Variants in DHX37 observed in about 807,000 individuals in gnomAD.
DHX37 encodes the protein probable ATP-dependent RNA helicase DHX37.
A neutral mutation model predicts 134.3 loss-of-function variants in DHX37; 52 were observed. The ratio of observed to expected loss-of-function variants is 0.39; its 90% CI spans 0.31 to 0.49. The LOEUF is 0.49. DHX37 is among the 20% of genes least tolerant of loss of function. The pLI, the probability that DHX37 is intolerant of heterozygous loss-of-function variation, is 0.93. For missense variants in DHX37, 1,344 were observed against 1,580.8 expected (o/e 0.85, Z 2.54); for synonymous variants, 634 against 670.7 (o/e 0.95, Z 0.85).
At chr12:124,981,322 C>CAG (rs1954754794) in intron 3 of DHX37, among the ~76,000 whole-genome samples, 1 of 151,886 alleles carries the variant, frequency 6.6e-6, no homozygotes, top group South Asian at 2.1e-4. Context: ...TGTAAATGAG[C>CAG]AGCACAGGCT....
chr12:124,985,952 C>A (rs879134301), intron 2 of DHX37, 144 bp downstream of exon 2: 27 of 927,068 alleles, frequency 2.9e-5, no homozygotes, highest in South Asian at 1.8e-5. Flanking sequence ...TTAGTGGCTA[C>A]CGCACTGGAC....
rs1192405740 is a variant in DHX37, at chr12:124,957,094, G to A, written c.2199C>T (p.Ala733=). ...FPFPTPPSVE[A]LLAAEELLIA... is the part of the protein sequence containing the mutation. ...TCAACAGCTCCTCGGCGGCAAGAAGGGCTTCCACGGAGGGGGGCGTCGGGA... is the reference window on the plus strand; with the variant it reads ...TCAACAGCTCCTCGGCGGCAAGAAGAGCTTCCACGGAGGGGGGCGTCGGGA... Residue 733 remains alanine, a synonymous_variant, in exon 17 of 27, where the codon GCC becomes GCT. Coordinates refer to ENST00000308736, the MANE Select transcript of DHX37 (RefSeq NM_032656.4). The A allele has an allele frequency of 1.3e-6, 2 of 1,496,632 alleles. No individual in the cohort carries two copies. Among genetic ancestry groups the A allele is most frequent in the Non-Finnish European group, 8.9e-7 (1 of 1,126,984 alleles). 92.7% of individuals were successfully genotyped at this position (1,496,632 alleles called of 1,614,324 possible). A position where few individuals can be genotyped will look rare whatever the true frequency, so the allele number is the denominator to read the frequency against.
At chr12:124,952,707 A>C (rs1953999755) in intron 20 of DHX37, 137 bp from the exon 21 acceptor site, 1 of 832,152 alleles carries the variant, frequency 1.2e-6, no homozygotes, top group Non-Finnish European at 1.6e-6. Context: ...CCCAGAGGCC[A>C]CCAGCAGGAC....
In DHX37 at chr12:124,973,638, CTTTTTT is replaced by C. The variant is rs71092252; in HGVS notation, c.981-1045_981-1040del. 4.9e-5 allele frequency among the ~76,000 whole-genome samples: 5 copies of C among 102,874 alleles called. 1 individual carries two copies. Among genetic ancestry groups the C allele is most frequent in the South Asian group, 7.0e-4 (2 of 2,850 alleles). 67.5% of individuals were successfully genotyped at this position (102,874 alleles called of 152,430 possible). On this transcript the variant is annotated intron_variant, in intron 6 of 26. Coordinates refer to ENST00000308736, the MANE Select transcript of DHX37 (RefSeq NM_032656.4). ...TTATGTATATGCGCCCCCCCCAACGCTTTTTTTTTTTTTTTTTTTTGAGATGGAGTC... is the reference window on the plus strand; with the variant it reads ...TTATGTATATGCGCCCCCCCCAACGCTTTTTTTTTTTTTTGAGATGGAGTC...
chr12:124,976,317 T>C (rs993055705), intron 5 of DHX37, among the ~76,000 whole-genome samples: 1 of 152,222 alleles, frequency 6.6e-6, no homozygotes, highest in African/African-American at 2.4e-5. Context: ...GATAACATGC[T>C]GAGTCCTGGG....
chr12:124,988,303 ACT>A (rs1324588524), intron 1 of DHX37, among the ~76,000 whole-genome samples: 1 of 151,676 alleles, frequency 6.6e-6, no homozygotes, highest in East Asian at 1.9e-4. Context: ...TCAGATCTTG[ACT>A]CTAACAGAGT....
At position 124,948,149 on chromosome 12, in the gene DHX37, G is replaced by C; in HGVS notation, c.3323C>G (p.Ala1108Gly). The C allele has an allele frequency of 6.2e-7, 1 of 1,614,204 alleles. No individual in the cohort carries two copies. The highest frequency in any genetic ancestry group is 1.1e-5 in the South Asian group (1 of 91,084). ...LQPRTESLLR[A>G]LVAEKADCHE... Reference sequence around the variant, plus strand: ...GCAGTCAGCCTTCTCTGCAACCAGGGCTCGCAGAAGGCTCTCCGTACGGGG... The same window carrying C: ...GCAGTCAGCCTTCTCTGCAACCAGGCCTCGCAGAAGGCTCTCCGTACGGGG... The change falls in exon 26 of 27, where the codon GCC becomes GGC. Residue 1108 changes from alanine (A) to glycine (G), a missense_variant. Physicochemically the swap from Ala to Gly is moderately conservative, Grantham distance 60. Coordinates refer to ENST00000308736, the MANE Select transcript of DHX37 (RefSeq NM_032656.4).
chr12:124,984,889 G>A (rs755291270), intron 2 of DHX37, among the ~76,000 whole-genome samples: 5 of 152,168 alleles, frequency 3.3e-5, no homozygotes, highest in African/African-American at 7.2e-5. Context: ...ATGTAATTAC[G>A]TAATTACGTG....
intron 16 of DHX37, 62 bp downstream of exon 16, chr12:124,960,250 C>A: frequency 6.4e-7 from 1 of 1,571,880 alleles, no homozygotes. Flanking sequence ...GGCTCCCTGC[C>A]TCAGGGAAAG....
At chr12:124,978,075 C>T (rs1175498106) in intron 4 of DHX37, among the ~76,000 whole-genome samples, 1 of 152,204 alleles carries the variant, frequency 6.6e-6, no homozygotes, top group Non-Finnish European at 1.5e-5. Flanking sequence ...ATTCTCCCGC[C>T]TCAGCCTCCT....
intron 16 of DHX37, among the ~76,000 whole-genome samples, chr12:124,959,383 A>AT (rs35713321): frequency 0.28 from 42,193 of 148,412 alleles, 7,647 homozygotes; most frequent in African/African-American, 0.53. Flanking sequence ...TCCCTGGCTA[A>AT]TTTTTTTTTT....
intron 1 of DHX37, 97 bp from the exon 2 acceptor site, chr12:124,986,362 T>C: frequency 7.5e-7 from 1 of 1,327,718 alleles, no homozygotes; most frequent in Non-Finnish European, 1.0e-6. Flanking sequence ...CTCCTGAGTC[T>C]GCACACAGGA....
chr12:124,954,620 G>A (rs148033310), intron 18 of DHX37, among the ~76,000 whole-genome samples: 4 of 152,094 alleles, frequency 2.6e-5, no homozygotes, highest in East Asian at 3.9e-4. Flanking sequence ...GAATGGTCTC[G>A]ATCTCCTGAC....
At chr12:124,956,975 GGA>G (rs1185543680) in intron 17 of DHX37, 52 bp downstream of exon 17, 2 of 1,523,208 alleles carry the variant, frequency 1.3e-6, no homozygotes, top group Non-Finnish European at 1.8e-6. Context: ...CCAGCAAAAG[GGA>G]GAGAGGGCCC....
chr12:124,975,165 C>G (rs1954608194), intron 6 of DHX37, among the ~76,000 whole-genome samples: 1 of 152,196 alleles, frequency 6.6e-6, no homozygotes, highest in South Asian at 2.1e-4. Context: ...GCCCCCTGCT[C>G]TGTTCTCGAG....
Position 124,968,680 on chromosome 12 carries a change from G to A in DHX37, c.1294-32C>T, listed in dbSNP as rs757807927. 4 of 1,613,596 alleles carry A rather than the reference G, an allele frequency of 2.5e-6. No individual in the cohort carries two copies. The African/African-American group carries it at 4.0e-5, about 16-fold the overall frequency. On this transcript the variant is annotated intron_variant, in intron 9 of 26. Coordinates refer to ENST00000308736, the MANE Select transcript of DHX37 (RefSeq NM_032656.4). The stretch of plus-strand genomic sequence containing the variant: ...GACGCCCAGGAAGGCATGGGGAGTG[G>A]GGGGGACACGAGCTTCGGCCCAGGG...
At position 124,948,337 on chromosome 12, in the gene DHX37, T is replaced by C. The variant is rs550996468; in HGVS notation, c.3291-156A>G. ...TGGTGACATGCACCTGTAGCCCCAG[T>C]TACTCAGGGGGCTGAAGTAGGAGGA... is the stretch of plus-strand genomic sequence containing the variant. On this transcript the variant is annotated intron_variant, in intron 25 of 26. Transcript: ENST00000308736. 74 of 1,331,792 alleles carry C rather than the reference T, an allele frequency of 5.6e-5. No homozygotes were observed. In the African/African-American group the frequency reaches 6.2e-4, roughly 11 times the overall value. The allele number at this position is 1,331,792 out of a possible 1,614,324, so 82.5% of individuals were successfully genotyped here. A position where few individuals can be genotyped will look rare whatever the true frequency, so the allele number is the denominator to read the frequency against.
chr12:124,978,931 C>CAA (rs1380468336), intron 4 of DHX37, among the ~76,000 whole-genome samples: 7 of 130,034 alleles, frequency 5.4e-5, no homozygotes, highest in Non-Finnish European at 1.0e-4. Flanking sequence ...GACACTGTCT[C>CAA]AAAAAAAAAA....
rs747951412 is a variant in DHX37, at chr12:124,960,362, T to C, written c.2107A>G (p.Arg703Gly). ...TGAAGGATTAAGTCTTCAACAGGCCTCCGGGTGATTTCTGGAGGAGGAAAC... is the reference window on the plus strand; with the variant it reads ...TGAAGGATTAAGTCTTCAACAGGCCCCCGGGTGATTTCTGGAGGAGGAAAC... Reference protein sequence around the residue: ...EQFPPPEITRRPVEDLILQMK... With the variant: ...EQFPPPEITRGPVEDLILQMK... Residue 703 changes from arginine (R) to glycine (G), a missense_variant, in exon 16 of 27, where the codon AGG (arginine) becomes GGG (glycine). Physicochemically the swap from Arg to Gly is moderately radical, Grantham distance 125 (BLOSUM62 -2). Transcript: ENST00000308736. 1 of 1,614,104 alleles carries C rather than the reference T, an allele frequency of 6.2e-7. No individual in the cohort carries two copies. The highest frequency in any genetic ancestry group is 1.1e-5 in the South Asian group (1 of 91,084).
Sources: gnomAD v4.1 joint callset for allele counts (sites outside exome capture counted in the v4.1 genomes callset) on GRCh38, gnomAD v4.1.1 for gene constraint, MANE v1.5 for transcripts, NCBI Gene and HGNC (gene_info 2026-07-23, HGNC 2026-07-21) for gene names.